ITGB1BP1: variants seen among roughly 807,000 people sequenced by gnomAD.
ITGB1BP1 encodes the protein integrin subunit beta 1 binding protein 1.
ITGB1BP1 carries 20 observed loss-of-function variants against 28.0 expected under a neutral mutation model. That is an observed-to-expected ratio of 0.71 (90% CI 0.50 to 1.04). The LOEUF is 1.04. Ranked by LOEUF, ITGB1BP1 falls within the 50% of genes least tolerant of loss-of-function variation. The pLI is 0.00. For synonymous variants in ITGB1BP1, 103 were observed against 89.5 expected (o/e 1.15, Z -0.85); for missense variants, 228 against 242.5 (o/e 0.94, Z 0.40).
intron 4 of ITGB1BP1, among the ~76,000 whole-genome samples, chr2:9,408,726 A>G (rs1402197508): frequency 6.6e-6 from 1 of 152,084 alleles, no homozygotes; most frequent in East Asian, 1.9e-4. Flanking sequence ...TAACTCTCCC[A>G]AGTTGGCCTC....
chr2:9,408,292 CGCAA>C, intron 4 of ITGB1BP1, 87 bp from the exon 5 acceptor site: 3 of 805,144 alleles, frequency 3.7e-6, no homozygotes, highest in Non-Finnish European at 4.3e-6. Context: ...ATCTGGCCAT[CGCAA>C]GCCCAAACCC....
At chr2:9,417,420 T>C (rs1457460120) in intron 2 of ITGB1BP1, among the ~76,000 whole-genome samples, 1 of 151,878 alleles carries the variant, frequency 6.6e-6, no homozygotes, top group Non-Finnish European at 1.5e-5. Flanking sequence ...ATAAGACCTT[T>C]TCTTTTCTTT....
chr2:9,406,061 G>T lies in ITGB1BP1; in HGVS notation c.*773C>A, dbSNP rs1009851440. ...ACTGAGTGGACCTCTGTGACATCTC[G>T]TCTTCCTCAGGCCTTCAGTGTGTGT... On this transcript the variant is annotated 3_prime_UTR_variant, in exon 7 of 7. Coordinates refer to ENST00000355346, the MANE Select transcript of ITGB1BP1 (RefSeq NM_004763.5). 8.0e-6 allele frequency: 1 copy of T among 124,718 alleles called. No individual in the cohort carries two copies. The highest frequency in any genetic ancestry group is 1.8e-5 in the Non-Finnish European group (1 of 56,460). 7.7% of individuals were successfully genotyped at this position (124,718 alleles called of 1,614,324 possible).
rs1558414718 is a variant in ITGB1BP1 at position 9,406,059 on chromosome 2, TC to T, written c.*774del. ...TCACTGAGTGGACCTCTGTGACATC[TC>T]GTCTTCCTCAGGCCTTCAGTGTGTG... On this transcript the variant is annotated 3_prime_UTR_variant, in exon 7 of 7. Transcript: ENST00000355346. 4 of 124,388 alleles carry T rather than the reference TC, an allele frequency of 3.2e-5. No homozygotes were observed. The highest frequency in any genetic ancestry group is 5.3e-5 in the Non-Finnish European group (3 of 56,204). The allele number at this position is 124,388 out of a possible 1,614,324, so 7.7% of individuals were successfully genotyped here.
chr2:9,407,791 C>A (rs1295173122), intron 5 of ITGB1BP1, among the ~76,000 whole-genome samples, 193 bp from the exon 6 acceptor site: 1 of 152,056 alleles, frequency 6.6e-6, no homozygotes, highest in African/African-American at 2.4e-5. Context: ...GTGATCTAAA[C>A]TGACTATCCC....
In ITGB1BP1 at chr2:9,408,149, G is replaced by A. The variant is rs1461228566; in HGVS notation, c.345C>T (p.Ser115=). ...ATGTTGATACTTTTATGCCATACTT[G>A]GAAACTCCCATAATAAATTCTTCCT... The part of the protein sequence containing the change: ...PPEEEFIMGV[S]KYGIKVSTSD... The change falls in exon 5 of 7, where the codon TCC becomes TCT. Residue 115 remains serine (S), a synonymous_variant. Transcript: ENST00000355346. 3 of 1,597,096 alleles carry A rather than the reference G, an allele frequency of 1.9e-6. No individual in the cohort carries two copies. Among genetic ancestry groups the A allele is most frequent in the Non-Finnish European group, 1.7e-6 (2 of 1,165,486 alleles).
rs1412017340 is a variant in ITGB1BP1 at position 9,408,193 on chromosome 2, A to G, written c.301T>C (p.Leu101=). The change falls in exon 5 of 7, where the codon TTG becomes CTG. Residue 101 remains leucine, a synonymous_variant. Transcript: ENST00000355346. ...YIDVAQQDGK[L]PFVPPEEEFI... is the part of the protein sequence containing the mutation. Reference sequence around the variant, plus strand: ...TCTTCCTCCGGAGGAACAAAAGGCAACTTTCCATCTTGCTTTAAAGTAAAA... The same window carrying G: ...TCTTCCTCCGGAGGAACAAAAGGCAGCTTTCCATCTTGCTTTAAAGTAAAA... 22 of 1,591,942 alleles carry G rather than the reference A, an allele frequency of 1.4e-5. No homozygotes were observed. The highest frequency in any genetic ancestry group is 1.8e-5 in the Non-Finnish European group (21 of 1,160,492).
rs868134213 is a variant in ITGB1BP1, at chr2:9,407,153, A to C, written c.532-248T>G. On this transcript the variant is annotated intron_variant, in intron 6 of 6. Coordinates refer to ENST00000355346, the MANE Select transcript of ITGB1BP1 (RefSeq NM_004763.5). ...GGCTGATCACGCAGTCTAGGAGGGC[A>C]ACAACGTTCGGAAATGGAAGAAGCC... 40 of 599,938 alleles carry C rather than the reference A, an allele frequency of 6.7e-5. No homozygotes were observed. In the Middle Eastern group the frequency reaches 4.8e-3, roughly 72 times the overall value. The allele number at this position is 599,938 out of a possible 1,614,324, so 37.2% of individuals were successfully genotyped here.
chr2:9,407,903 G>GA (rs1572682067), intron 5 of ITGB1BP1: 2 of 568,134 alleles, frequency 3.5e-6, no homozygotes, highest in African/African-American at 1.9e-5. Context: ...GGGGTGGGGG[G>GA]GGCAGGTTGC....
chr2:9,411,904 T>C (rs1415908824), intron 4 of ITGB1BP1, among the ~76,000 whole-genome samples: 4 of 151,436 alleles, frequency 2.6e-5, no homozygotes, highest in African/African-American at 7.3e-5. Flanking sequence ...TAGCCGGGCA[T>C]GGTGGCGGGC....
intron 4 of ITGB1BP1, among the ~76,000 whole-genome samples, chr2:9,409,851 T>G (rs1488020594): frequency 6.6e-6 from 1 of 150,774 alleles, no homozygotes; most frequent in Admixed American, 6.6e-5. Context: ...CTTTTTTTTT[T>G]TTTTTTTTTT....
intron 4 of ITGB1BP1, among the ~76,000 whole-genome samples, chr2:9,409,577 C>G (rs1395735168): frequency 6.6e-6 from 1 of 152,192 alleles, no homozygotes; most frequent in Non-Finnish European, 1.5e-5. Flanking sequence ...TAAGACCACA[C>G]TGAACGTTGC....
intron 1 of ITGB1BP1, chr2:9,422,755 G>GCC (rs1226818432): frequency 2.0e-6 from 2 of 985,522 alleles, no homozygotes; most frequent in Non-Finnish European, 1.2e-6. Flanking sequence ...CACGTGCCAT[G>GCC]CACGGTGCTA....
Position 9,403,789 on chromosome 2 carries a change from G to A in ITGB1BP1, c.*3045C>T, listed in dbSNP as rs1161049232. 1 of 157,428 alleles carries A rather than the reference G, an allele frequency of 6.4e-6. No individual in the cohort carries two copies. Among genetic ancestry groups the A allele is most frequent in the African/African-American group, 2.4e-5 (1 of 41,498 alleles). 9.8% of individuals were successfully genotyped at this position (157,428 alleles called of 1,614,324 possible). A position where few individuals can be genotyped will look rare whatever the true frequency, so the allele number is the denominator to read the frequency against. ...GAACTTTCTCGATAAAATGCCATCA[G>A]TTCACCTTTAAAGACACACATTCCT... On this transcript the variant is annotated 3_prime_UTR_variant, in exon 7 of 7. Coordinates refer to ENST00000355346, the MANE Select transcript of ITGB1BP1 (RefSeq NM_004763.5).
Position 9,406,653 on chromosome 2 carries a change from A to C in ITGB1BP1, c.*181T>G. 2 of 600,234 alleles carry C rather than the reference A, an allele frequency of 3.3e-6. No homozygotes were observed. The allele number at this position is 600,234 out of a possible 1,614,324, so 37.2% of individuals were successfully genotyped here. On this transcript the variant is annotated 3_prime_UTR_variant, in exon 7 of 7. Coordinates refer to ENST00000355346, the MANE Select transcript of ITGB1BP1 (RefSeq NM_004763.5). ...CCAGAAAATAGATGACTTCATTGAG[A>C]GTTAACTCACTGTGTAATAGGACAC...
intron 3 of ITGB1BP1, 97 bp downstream of exon 3, chr2:9,414,081 G>T: frequency 9.8e-7 from 1 of 1,024,826 alleles, no homozygotes. Flanking sequence ...GAGGAAGAAA[G>T]CCACAAATAC....
chr2:9,408,062 G>A, intron 5 of ITGB1BP1, 51 bp downstream of exon 5: 2 of 1,029,886 alleles, frequency 1.9e-6, no homozygotes, highest in South Asian at 1.4e-5. Flanking sequence ...TTAATGGCCT[G>A]AATTCCCTGT....
chr2:9,407,954 T>C, intron 5 of ITGB1BP1, 159 bp downstream of exon 5: 1 of 602,042 alleles, frequency 1.7e-6, no homozygotes, highest in Non-Finnish European at 3.0e-6. Context: ...AAGCCCCTAT[T>C]CACCTTAAGA....
rs1422794522 is a variant in ITGB1BP1 at position 9,415,952 on chromosome 2, C to T, written c.73-1696G>A. ...ACCCGGGATGAAAGGTCTAGGGAGG[C>T]ATCTCCTGAGGGGGCCTTGTGCGAC... is the stretch of plus-strand genomic sequence containing the variant. On this transcript the variant is annotated intron_variant, in intron 2 of 6. Coordinates refer to ENST00000355346, the MANE Select transcript of ITGB1BP1 (RefSeq NM_004763.5). This position sits in a 1 kb window ranked among gnomAD's most constrained non-coding sequence, Gnocchi z 4.1. Among the ~76,000 whole-genome samples the T allele has an allele frequency of 2.0e-5, 3 of 152,242 alleles. No individual in the cohort carries two copies. Among genetic ancestry groups the T allele is most frequent in the Non-Finnish European group, 4.4e-5 (3 of 68,046 alleles).
Sources: gnomAD v4.1 joint callset for allele counts (sites outside exome capture counted in the v4.1 genomes callset) on GRCh38, gnomAD v4.1.1 for gene constraint, Gnocchi (gnomAD v3.1) non-coding constraint, MANE v1.5 for transcripts, NCBI Gene and HGNC (gene_info 2026-07-23, HGNC 2026-07-21) for gene names.